Variants in ATXN10 observed in about 807,000 individuals in gnomAD.
ATXN10 encodes the protein ataxin 10, also known as ataxin-10.
In ATXN10, 28 loss-of-function variants were observed where a neutral mutation model predicts 52.9. That is an observed-to-expected ratio of 0.53 (90% CI 0.39 to 0.73). ATXN10 has a LOEUF of 0.73. Among genes scored for constraint, ATXN10 ranks in the 30% least tolerant of loss-of-function variants. ATXN10 has a pLI of 0.00. For synonymous variants in ATXN10, 226 were observed against 221.5 expected, an observed-to-expected ratio of 1.02 and a Z score of -0.18; for missense variants, 565 against 577.0, an observed-to-expected ratio of 0.98 and a Z score of 0.21.
At chr22:45,736,709 C>T (rs1225736475) in intron 7 of ATXN10, among the ~76,000 whole-genome samples, 4 of 152,122 alleles carry the variant, frequency 2.6e-5, no homozygotes, top group African/African-American at 7.2e-5. Context: ...AATGAAAATT[C>T]GTTCCAGAGG....
At chr22:45,760,096 C>T (rs1344889735) in intron 9 of ATXN10, among the ~76,000 whole-genome samples, 2 of 152,198 alleles carry the variant, frequency 1.3e-5, no homozygotes, top group Non-Finnish European at 2.9e-5. Context: ...CAACGTGGAA[C>T]ATCCTCCTTC....
At chr22:45,675,423 A>G (rs1464176963) in intron 1 of ATXN10, 1 of 152,254 alleles carries the variant, frequency 6.6e-6, no homozygotes, top group East Asian at 1.9e-4. Flanking sequence ...TGAAGAGTAG[A>G]ATATGGTAGA....
intron 10 of ATXN10, among the ~76,000 whole-genome samples, chr22:45,809,930 A>G (rs1443064791): frequency 6.6e-6 from 1 of 151,982 alleles, no homozygotes; most frequent in Admixed American, 6.6e-5. Flanking sequence ...CTTTTAGTCA[A>G]ATTCATCTCT....
chr22:45,843,816 G>A lies in ATXN10; in HGVS notation c.*145G>A. 1.3e-6 allele frequency: 1 copy of A among 754,082 alleles called. No homozygotes were observed. The highest frequency in any genetic ancestry group is 2.2e-6 in the Non-Finnish European group (1 of 446,574). 46.7% of individuals were successfully genotyped at this position (754,082 alleles called of 1,614,324 possible). A position where few individuals can be genotyped will look rare whatever the true frequency, so the allele number is the denominator to read the frequency against. On this transcript the variant is annotated 3_prime_UTR_variant, in exon 12 of 12. Transcript: ENST00000252934. The surrounding 1 kb of genome is among the most constrained non-coding windows in gnomAD (Gnocchi z 4.5). Reference sequence around the variant, plus strand: ...TCTTTTAGGTAGTAGAGTTTAACGTGTATAAGCTAAAAGTGAAAGTAACTG... The same window carrying A: ...TCTTTTAGGTAGTAGAGTTTAACGTATATAAGCTAAAAGTGAAAGTAACTG...
rs956993877 is a variant in ATXN10, at chr22:45,773,273, C to T, written c.1173+32735C>T. Among the ~76,000 whole-genome samples the T allele has an allele frequency of 5.3e-5, 8 of 152,204 alleles. No homozygotes were observed. In the South Asian group the frequency reaches 1.5e-3, roughly 28 times the overall value. ...GATTCTCTACATAAACAATCATATC[C>T]TGTGAATAAGGATGAAGTTTTATTT... On this transcript the variant is annotated intron_variant, in intron 9 of 11. Transcript: ENST00000252934.
chr22:45,839,361 C>T (rs866143725), intron 10 of ATXN10, among the ~76,000 whole-genome samples: 19 of 152,352 alleles, frequency 1.2e-4, no homozygotes, highest in Middle Eastern at 3.4e-3. Context: ...GAACCTGCTC[C>T]GTGTGAAATA....
intron 7 of ATXN10, among the ~76,000 whole-genome samples, chr22:45,735,163 G>A (rs1925244294): frequency 6.6e-6 from 1 of 152,064 alleles, no homozygotes; most frequent in South Asian, 2.1e-4. Context: ...ATAGGCATGG[G>A]CCACCGTGCC....
intron 9 of ATXN10, among the ~76,000 whole-genome samples, chr22:45,796,579 A>C (rs1927747071): frequency 6.6e-6 from 1 of 152,062 alleles, no homozygotes; most frequent in Non-Finnish European, 1.5e-5. Flanking sequence ...CAGCTGTAAA[A>C]TTTCTCTCCT....
intron 3 of ATXN10, among the ~76,000 whole-genome samples, chr22:45,698,023 T>C (rs182560265): frequency 2.0e-5 from 3 of 152,360 alleles, no homozygotes; most frequent in East Asian, 3.9e-4. Context: ...TGTTTTGATA[T>C]ATCACATTTT....
At chr22:45,679,193 C>T (rs1922819211) in intron 1 of ATXN10, 1 of 152,168 alleles carries the variant, frequency 6.6e-6, no homozygotes, top group Non-Finnish European at 1.5e-5. Flanking sequence ...CAGCCCGAGG[C>T]CAGGACTCTT....
At chr22:45,814,836 C>T (rs1331856938) in intron 10 of ATXN10, among the ~76,000 whole-genome samples, 6 of 152,134 alleles carry the variant, frequency 3.9e-5, no homozygotes, top group Admixed American at 2.6e-4. Flanking sequence ...CTCATAGGAG[C>T]GTGAACCCTA....
At position 45,835,797 on chromosome 22, in the gene ATXN10, C is replaced by G. The variant is rs185094125; in HGVS notation, c.1238-7194C>G. Among the ~76,000 whole-genome samples the G allele has an allele frequency of 2.6e-5, 4 of 152,206 alleles. No individual in the cohort carries two copies. The highest frequency in any genetic ancestry group is 7.2e-5 in the African/African-American group (3 of 41,462). On this transcript the variant is annotated intron_variant, in intron 10 of 11. Coordinates refer to ENST00000252934, the MANE Select transcript of ATXN10 (RefSeq NM_013236.4). This position sits in a 1 kb window ranked among gnomAD's most constrained non-coding sequence, Gnocchi z 5.0. ...TACTCTATATTCTTCAGATTGTAAC[C>G]TATAATTTCCAAATCTGACAATTAT...
intron 9 of ATXN10, among the ~76,000 whole-genome samples, chr22:45,802,987 G>C (rs1250340071): frequency 6.6e-6 from 1 of 152,150 alleles, no homozygotes; most frequent in South Asian, 2.1e-4. Flanking sequence ...ATTCAGTTTC[G>C]TCATGCATTT....
intron 7 of ATXN10, among the ~76,000 whole-genome samples, chr22:45,730,917 A>G (rs955479820): frequency 1.3e-5 from 2 of 152,202 alleles, no homozygotes; most frequent in Non-Finnish European, 2.9e-5. Context: ...CTTTCTAGAC[A>G]GTTTGCTTCT....
intron 9 of ATXN10, among the ~76,000 whole-genome samples, chr22:45,749,820 C>T (rs908547040): frequency 6.0e-4 from 92 of 152,114 alleles, no homozygotes; most frequent in African/African-American, 1.8e-3. Flanking sequence ...CCTTCCTTGA[C>T]CTCCCAAAGT....
chr22:45,760,107 G>A (rs968412375), intron 9 of ATXN10, among the ~76,000 whole-genome samples: 8 of 152,282 alleles, frequency 5.3e-5, no homozygotes, highest in Middle Eastern at 3.4e-3. Flanking sequence ...ATCCTCCTTC[G>A]TTTGCTTAGA....
At chr22:45,803,816 T>G (rs1181494806) in intron 9 of ATXN10, among the ~76,000 whole-genome samples, 2 of 152,066 alleles carry the variant, frequency 1.3e-5, no homozygotes, top group East Asian at 1.9e-4. Flanking sequence ...GAGGGCATCC[T>G]TGGGAAGCTT....
rs534146908 is a variant in ATXN10, at chr22:45,833,771, G to A, written c.1238-9220G>A. 2.6e-5 allele frequency among the ~76,000 whole-genome samples: 4 copies of A among 152,248 alleles called. No homozygotes were observed. The highest frequency in any genetic ancestry group is 6.5e-5 in the Admixed American group (1 of 15,304). On this transcript the variant is annotated intron_variant, in intron 10 of 11. Coordinates refer to ENST00000252934, the MANE Select transcript of ATXN10 (RefSeq NM_013236.4). This position sits in a 1 kb window ranked among gnomAD's most constrained non-coding sequence, Gnocchi z 4.3. ...TGGTTTGTAGGCATAGCTCAGAAAC[G>A]TGCAGTCATAGCAACCCGGAAGAAG...
chr22:45,688,541 G>A lies in ATXN10; in HGVS notation c.117-1171G>A, dbSNP rs1488297116. Among the ~76,000 whole-genome samples, 1 of 152,142 alleles carries A rather than the reference G, an allele frequency of 6.6e-6. No homozygotes were observed. Among genetic ancestry groups the A allele is most frequent in the African/African-American group, 2.4e-5 (1 of 41,424 alleles). On this transcript the variant is annotated intron_variant, in intron 1 of 11. Transcript: ENST00000252934. The surrounding 1 kb of genome is among the most constrained non-coding windows in gnomAD (Gnocchi z 4.0). ...GTAAGATAAAAACACACATCACTTG[G>A]TGTATAAGAAGCCATGGTACTGAAG...
Sources: allele counts gnomAD v4.1 joint callset (sites outside exome capture counted in the v4.1 genomes callset), GRCh38; gene constraint gnomAD v4.1.1; non-coding constraint Gnocchi (gnomAD v3.1); transcripts MANE v1.5; gene names NCBI Gene and HGNC (gene_info 2026-07-23, HGNC 2026-07-21).